BBS12: variants seen among roughly 807,000 people sequenced by gnomAD.
BBS12 encodes Bardet-Biedl syndrome 12.
In BBS12, 5 loss-of-function variants were observed where a neutral mutation model predicts 5.6. The observed-to-expected ratio is 0.89, with a 90% CI of 0.46 to 1.86. The LOEUF (loss-of-function observed/expected upper bound fraction) is 1.86. Ranked by LOEUF, BBS12 falls within the 40% of genes most tolerant of loss-of-function variation. The probability of loss-of-function intolerance (pLI) is 0.01; values close to 1 mark genes in which losing one functional copy is unlikely to be tolerated. For missense variants in BBS12, 748 were observed against 830.4 expected, an observed-to-expected ratio of 0.90 and a Z score of 1.22; for synonymous variants, 308 against 306.8, an observed-to-expected ratio of 1.00 and a Z score of -0.04.
the BBS12 span, among the ~76,000 whole-genome samples, chr4:122,712,382 T>C: frequency 6.6e-6 from 1 of 152,230 alleles, no homozygotes; most frequent in African/African-American, 2.4e-5. Flanking sequence ...TGTGAAACTG[T>C]TCCCTCACAA....
At chr4:122,733,425 AT>A (rs1560702553) in intron 1 of BBS12, among the ~76,000 whole-genome samples, 12 of 117,766 alleles carry the variant, frequency 1.0e-4, no homozygotes, top group African/African-American at 9.7e-5. Flanking sequence ...ACACACACAC[AT>A]CCAGCCATTT....
chr4:122,714,742 T>C, the BBS12 span, among the ~76,000 whole-genome samples: 5 of 152,118 alleles, frequency 3.3e-5, no homozygotes, highest in Non-Finnish European at 7.4e-5. Context: ...TAACAGGTAC[T>C]CATATAAATA....
chr4:122,733,748 C>T (rs1016524310), intron 1 of BBS12, among the ~76,000 whole-genome samples: 1 of 151,926 alleles, frequency 6.6e-6, no homozygotes, highest in Non-Finnish European at 1.5e-5. Context: ...TAATTGCTCA[C>T]ACATGCGGAC....
At chr4:122,725,284 A>G in the BBS12 span, among the ~76,000 whole-genome samples, 67 of 152,296 alleles carry the variant, frequency 4.4e-4, no homozygotes, top group East Asian at 0.012. Flanking sequence ...ATATGGAACC[A>G]CAAAAGAGCC....
At chr4:122,731,003 C>G (rs531700380), upstream of BBS12, 12 of 152,214 alleles carry the variant, frequency 7.9e-5, no homozygotes, top group African/African-American at 2.9e-4. Flanking sequence ...TTTATTTTAT[C>G]AAGCTGGACT....
the BBS12 span, among the ~76,000 whole-genome samples, chr4:122,705,371 C>G: frequency 4.6e-5 from 7 of 152,124 alleles, no homozygotes; most frequent in Non-Finnish European, 8.8e-5. Flanking sequence ...CTTTGGGAGG[C>G]CAAGGTGGGA....
the BBS12 span, among the ~76,000 whole-genome samples, chr4:122,719,346 A>C: frequency 6.6e-6 from 1 of 152,090 alleles, no homozygotes; most frequent in South Asian, 2.1e-4. Flanking sequence ...GGGCCAAATA[A>C]GGGAATAAAA....
the BBS12 span, among the ~76,000 whole-genome samples, chr4:122,725,343 A>G: frequency 1.3e-5 from 2 of 152,352 alleles, no homozygotes; most frequent in East Asian, 3.9e-4. Context: ...TGGAGGCATC[A>G]CATTACTGGA....
chr4:122,737,927 T>C (rs1001138049), intron 1 of BBS12, among the ~76,000 whole-genome samples: 15 of 152,244 alleles, frequency 9.9e-5, no homozygotes, highest in Admixed American at 9.8e-4. Flanking sequence ...GGGAAAAGAA[T>C]TGTCTCTTCA....
At chr4:122,717,311 A>T in the BBS12 span, among the ~76,000 whole-genome samples, 1 of 152,216 alleles carries the variant, frequency 6.6e-6, no homozygotes, top group Admixed American at 6.5e-5. Flanking sequence ...TGATCTTCCA[A>T]GTATCTGTTT....
chr4:122,742,977 A>G lies in BBS12; in HGVS notation c.1085A>G (p.Asp362Gly), dbSNP rs1800908966. 1.2e-6 allele frequency: 2 copies of G among 1,614,048 alleles called. No homozygotes were observed. The highest frequency in any genetic ancestry group is 2.7e-5 in the African/African-American group (2 of 74,948). Reference sequence around the variant, plus strand: ...GTGCGAATAGTTCTCATTGAGGGTGACCTCACAGAGAATTACCGCCACCTG... The same window carrying G: ...GTGCGAATAGTTCTCATTGAGGGTGGCCTCACAGAGAATTACCGCCACCTG... Reference protein sequence around the residue: ...QPVRIVLIEGDLTENYRHLGF... With the variant: ...QPVRIVLIEGGLTENYRHLGF... The change falls in exon 2 of 2, where the codon GAC (aspartate) becomes GGC (glycine). Residue 362 changes from aspartate (D) to glycine (G), a missense_variant. Asp to Gly is a moderately conservative substitution (Grantham distance 94). Coordinates refer to ENST00000314218, the MANE Select transcript of BBS12 (RefSeq NM_152618.3).
At chr4:122,723,662 T>A in the BBS12 span, among the ~76,000 whole-genome samples, 1 of 152,254 alleles carries the variant, frequency 6.6e-6, no homozygotes, top group Non-Finnish European at 1.5e-5. Flanking sequence ...GGCAGGTGGT[T>A]AATTTCATTG....
the BBS12 span, among the ~76,000 whole-genome samples, chr4:122,725,445 G>A: frequency 6.6e-6 from 1 of 152,050 alleles, no homozygotes; most frequent in Non-Finnish European, 1.5e-5. Flanking sequence ...AATAGAGAAC[G>A]CAGAAATAAA....
chr4:122,716,694 T>C, the BBS12 span, among the ~76,000 whole-genome samples: 3 of 111,322 alleles, frequency 2.7e-5, no homozygotes, highest in African/African-American at 1.5e-4. Context: ...CATATGTGTA[T>C]GTGTGTGTAT....
At chr4:122,720,551 A>C in the BBS12 span, among the ~76,000 whole-genome samples, 1 of 152,234 alleles carries the variant, frequency 6.6e-6, no homozygotes, top group African/African-American at 2.4e-5. Context: ...ACTTCCAGTA[A>C]ACTGGAAAGC....
intron 1 of BBS12, among the ~76,000 whole-genome samples, chr4:122,740,129 C>T (rs1300683824): frequency 1.3e-5 from 2 of 151,942 alleles, no homozygotes; most frequent in Admixed American, 6.6e-5. Context: ...AAAAATTAGC[C>T]GGGTATGGTG....
chr4:122,712,115 A>G, the BBS12 span, among the ~76,000 whole-genome samples: 1 of 152,230 alleles, frequency 6.6e-6, no homozygotes, highest in African/African-American at 2.4e-5. Flanking sequence ...ACTAGGTTAC[A>G]ACCTCAGCTT....
chr4:122,741,229 CA>C (rs1450883828), intron 1 of BBS12, among the ~76,000 whole-genome samples: 3 of 152,104 alleles, frequency 2.0e-5, no homozygotes, highest in African/African-American at 7.2e-5. Context: ...CTCTGTTGCC[CA>C]GGCTGGAGTG....
At chr4:122,739,457 C>T (rs1800832864) in intron 1 of BBS12, among the ~76,000 whole-genome samples, 1 of 152,218 alleles carries the variant, frequency 6.6e-6, no homozygotes, top group Admixed American at 6.5e-5. Flanking sequence ...ATTAAGCAAC[C>T]AAGAACTACA....
Sources: gnomAD v4.1 joint callset for allele counts (sites outside exome capture counted in the v4.1 genomes callset) on GRCh38, gnomAD v4.1.1 for gene constraint, MANE v1.5 for transcripts, NCBI Gene and HGNC (gene_info 2026-07-23, HGNC 2026-07-21) for gene names.